Variants in PPP3CC observed in about 807,000 individuals in gnomAD.
PPP3CC encodes protein phosphatase 3 catalytic subunit gamma.
In PPP3CC, 35 loss-of-function variants were observed where a neutral mutation model predicts 60.3. The observed-to-expected ratio is 0.58, with a 90% confidence interval of 0.44 to 0.77. The LOEUF (loss-of-function observed/expected upper bound fraction) is 0.77, where lower values mean the gene tolerates loss of function less well. Ranked by LOEUF, PPP3CC falls within the 30% of genes least tolerant of loss-of-function variation. The pLI, the probability that PPP3CC is intolerant of heterozygous loss-of-function variation, is 0.00. For synonymous variants in PPP3CC, 206 were observed against 224.3 expected, an observed-to-expected ratio of 0.92 and a Z score of 0.73; for missense variants, 570 against 628.9, an observed-to-expected ratio of 0.91 and a Z score of 1.00.
At chr8:22,462,806 A>C (rs964150894) in intron 1 of PPP3CC, among the ~76,000 whole-genome samples, 1 of 152,060 alleles carries the variant, frequency 6.6e-6, no homozygotes, top group African/African-American at 2.4e-5. Flanking sequence ...TCTTTTTCTT[A>C]GATGATAATT....
chr8:22,497,331 AT>A (rs201716073), intron 3 of PPP3CC, among the ~76,000 whole-genome samples: 4,149 of 136,754 alleles, frequency 0.03, 168 homozygotes, highest in African/African-American at 0.093. Context: ...ACCTGGCCCT[AT>A]TTTTTTTTTT....
chr8:22,450,026 C>T (rs1159727274), intron 1 of PPP3CC, among the ~76,000 whole-genome samples: 1 of 151,892 alleles, frequency 6.6e-6, no homozygotes, highest in African/African-American at 2.4e-5. Flanking sequence ...GCCACCACAC[C>T]CAGCTAATTT....
chr8:22,534,391 C>T (rs760279371), intron 12 of PPP3CC, among the ~76,000 whole-genome samples: 8 of 149,888 alleles, frequency 5.3e-5, no homozygotes, highest in Non-Finnish European at 1.2e-4. Context: ...CACTGCACTC[C>T]AGTCTGGGCA....
intron 3 of PPP3CC, among the ~76,000 whole-genome samples, chr8:22,477,375 G>T (rs940776998): frequency 1.3e-5 from 2 of 151,998 alleles, no homozygotes; most frequent in Non-Finnish European, 2.9e-5. Flanking sequence ...TACTTGAGAG[G>T]CTGAGGCAGG....
At position 22,459,453 on chromosome 8, in the gene PPP3CC, T is replaced by TTTTGTG. The variant is rs1345685307; in HGVS notation, c.50-15500_50-15499insTTGTGT. Reference sequence around the variant, plus strand: ...TAACCACTTCATTATTATCACTTTGTTATGTGTGTGTGTGTGTGTGTGTTT... The same window carrying TTTTGTG: ...TAACCACTTCATTATTATCACTTTGTTTTGTGTATGTGTGTGTGTGTGTGTGTGTTT... On this transcript the variant is annotated intron_variant, in intron 1 of 13. Transcript: ENST00000240139. Among the ~76,000 whole-genome samples, 3 of 104,966 alleles carry TTTTGTG rather than the reference T, an allele frequency of 2.9e-5. No individual in the cohort carries two copies. In the South Asian group the frequency reaches 9.6e-4, roughly 33 times the overall value. The allele number at this position is 104,966 out of a possible 152,430, so 68.9% of individuals were successfully genotyped here.
intron 3 of PPP3CC, among the ~76,000 whole-genome samples, chr8:22,495,009 A>C (rs1838522650): frequency 6.6e-6 from 1 of 152,110 alleles, no homozygotes; most frequent in South Asian, 2.1e-4. Context: ...TGGCACGATC[A>C]TGATCATAGC....
At chr8:22,489,640 TATAATATACA>T (rs1450216703) in intron 3 of PPP3CC, among the ~76,000 whole-genome samples, 1 of 71,502 alleles carries the variant, frequency 1.4e-5, no homozygotes, top group African/African-American at 6.1e-5. Context: ...ATATATTACA[TATAATATACA>T]ATAAGTATAT....
At chr8:22,468,584 T>C (rs1398325157) in intron 1 of PPP3CC, among the ~76,000 whole-genome samples, 1 of 152,072 alleles carries the variant, frequency 6.6e-6, no homozygotes, top group East Asian at 1.9e-4. Context: ...TTTATACAGC[T>C]TCTAATAGGC....
chr8:22,459,543 G>A (rs528123717), intron 1 of PPP3CC, among the ~76,000 whole-genome samples: 1 of 152,166 alleles, frequency 6.6e-6, no homozygotes, highest in South Asian at 2.1e-4. Context: ...TCATGAGAGA[G>A]TATCTTGCAT....
chr8:22,489,580 A>G (rs1838319526), intron 3 of PPP3CC, among the ~76,000 whole-genome samples: 2 of 144,062 alleles, frequency 1.4e-5, no homozygotes, highest in African/African-American at 5.1e-5. Context: ...TATATATAAC[A>G]AATATATATT....
At chr8:22,503,479 GTT>G (rs1176566328) in intron 4 of PPP3CC, among the ~76,000 whole-genome samples, 1 of 151,992 alleles carries the variant, frequency 6.6e-6, no homozygotes, top group Non-Finnish European at 1.5e-5. Flanking sequence ...GTTTCAGAGG[GTT>G]TTTTAGGTGA....
rs561934707 is a variant in PPP3CC at position 22,472,307 on chromosome 8, T to G, written c.50-2647T>G. 3.0e-4 allele frequency among the ~76,000 whole-genome samples: 44 copies of G among 148,058 alleles called. No homozygotes were observed. The South Asian group carries it at 3.5e-3, about 12-fold the overall frequency. On this transcript the variant is annotated intron_variant, in intron 1 of 13. Transcript: ENST00000240139. ...TTTTCTTTATATCTTTATAGGCTTT[T>G]TCTATTTAAAAAGTTTAAATTTTTT... is the stretch of plus-strand genomic sequence containing the variant.
chr8:22,525,541 TCCCTCTC>T (rs1563780746), intron 8 of PPP3CC, among the ~76,000 whole-genome samples: 10 of 64,170 alleles, frequency 1.6e-4, no homozygotes, highest in East Asian at 6.1e-4. Context: ...TTTCTTTCTC[TCCCTCTC>T]TCTCTCTCTC....
At chr8:22,442,476 T>C (rs922858172) in intron 1 of PPP3CC, among the ~76,000 whole-genome samples, 4 of 152,222 alleles carry the variant, frequency 2.6e-5, no homozygotes, top group African/African-American at 9.7e-5. Context: ...TTATTGCATG[T>C]TCAGGGAGGG....
At chr8:22,444,819 C>G (rs980580982) in intron 1 of PPP3CC, among the ~76,000 whole-genome samples, 1 of 152,150 alleles carries the variant, frequency 6.6e-6, no homozygotes, top group East Asian at 1.9e-4. Flanking sequence ...AACTAGGCAC[C>G]CAAATGATTA....
intron 11 of PPP3CC, 81 bp downstream of exon 11, chr8:22,532,387 T>C: frequency 8.2e-7 from 1 of 1,213,298 alleles, no homozygotes; most frequent in South Asian, 1.3e-5. Flanking sequence ...AGTTTTTTTA[T>C]AATTGGAATG....
At chr8:22,507,886 C>T in intron 4 of PPP3CC, among the ~76,000 whole-genome samples, 1 of 152,132 alleles carries the variant, frequency 6.6e-6, no homozygotes, top group East Asian at 1.9e-4. Flanking sequence ...TTCTCTTCAC[C>T]ACCATGCCAT....
chr8:22,482,202 C>T (rs545825932), intron 3 of PPP3CC, among the ~76,000 whole-genome samples: 90 of 152,250 alleles, frequency 5.9e-4, no homozygotes, highest in Admixed American at 9.8e-4. Flanking sequence ...TCTGTTGTTT[C>T]CTGACTTTTT....
chr8:22,452,314 A>C (rs140764542), intron 1 of PPP3CC, among the ~76,000 whole-genome samples: 287 of 152,240 alleles, frequency 1.9e-3, no homozygotes, highest in African/African-American at 6.5e-3. Flanking sequence ...GATTACAGGC[A>C]TGAGCCACTG....
Sources: gnomAD v4.1 joint callset for allele counts (sites outside exome capture counted in the v4.1 genomes callset) on GRCh38, gnomAD v4.1.1 for gene constraint, MANE v1.5 for transcripts, NCBI Gene and HGNC (gene_info 2026-07-23, HGNC 2026-07-21) for gene names.